Variants in ADARB2 observed in about 807,000 individuals in gnomAD.
The protein encoded by ADARB2 is inactive double-stranded RNA-specific editase B2.
In ADARB2, 25 loss-of-function variants were observed where a neutral mutation model predicts 62.2. The observed-to-expected ratio is 0.40, with a 90% CI of 0.29 to 0.56. ADARB2 has a LOEUF of 0.56. Among genes scored for constraint, ADARB2 ranks in the 20% least tolerant of loss-of-function variants. The pLI is 0.43. For missense variants in ADARB2, 1,071 were observed against 1,077.4 expected (o/e 0.99, Z 0.08); for synonymous variants, 572 against 500.8 (o/e 1.14, Z -1.90).
chr10:1,396,123 G>C (rs1157102667), intron 1 of ADARB2, among the ~76,000 whole-genome samples: 1 of 152,194 alleles, frequency 6.6e-6, no homozygotes, highest in African/African-American at 2.4e-5. Flanking sequence ...TTAGAGAGCA[G>C]GTCAAAGAGT....
intron 1 of ADARB2, among the ~76,000 whole-genome samples, chr10:1,591,634 C>G (rs1346448964): frequency 7.2e-6 from 1 of 138,172 alleles, no homozygotes; most frequent in Non-Finnish European, 1.5e-5. Flanking sequence ...GTCTCTGAAT[C>G]TCTCTTACAC....
intron 1 of ADARB2, among the ~76,000 whole-genome samples, chr10:1,646,716 C>A (rs956541143): frequency 6.6e-6 from 1 of 152,248 alleles, no homozygotes; most frequent in Admixed American, 6.5e-5. Context: ...ATAGCTCAGA[C>A]AACTCTCTCC....
intron 3 of ADARB2, among the ~76,000 whole-genome samples, chr10:1,285,113 C>A (rs552361971): frequency 6.6e-6 from 1 of 151,386 alleles, no homozygotes; most frequent in African/African-American, 2.4e-5. Context: ...ACAGAAAAGT[C>A]ATCTGCAGCA....
chr10:1,702,880 C>A (rs777109963), intron 1 of ADARB2, among the ~76,000 whole-genome samples: 2 of 152,220 alleles, frequency 1.3e-5, no homozygotes, highest in Admixed American at 6.5e-5. Context: ...AAGGTATGAA[C>A]CACTTGCTAC....
intron 1 of ADARB2, among the ~76,000 whole-genome samples, chr10:1,478,592 C>A (rs1255883710): frequency 6.6e-6 from 1 of 152,052 alleles, no homozygotes; most frequent in Non-Finnish European, 1.5e-5. Context: ...GGGAGAGCAC[C>A]AAAACAAGGA....
At chr10:1,248,782 C>G (rs894682526) in intron 4 of ADARB2, among the ~76,000 whole-genome samples, 4 of 152,156 alleles carry the variant, frequency 2.6e-5, no homozygotes, top group African/African-American at 9.7e-5. Flanking sequence ...GAGAAGTAGT[C>G]ACAGAAAATA....
At chr10:1,456,519 G>A (rs576750437) in intron 1 of ADARB2, among the ~76,000 whole-genome samples, 1 of 152,228 alleles carries the variant, frequency 6.6e-6, no homozygotes, top group African/African-American at 2.4e-5. Context: ...TCTGCTCTTA[G>A]CTCTTGCCAG....
chr10:1,652,871 G>A (rs1481101406), intron 1 of ADARB2, among the ~76,000 whole-genome samples: 3 of 152,156 alleles, frequency 2.0e-5, no homozygotes, highest in Admixed American at 6.5e-5. Flanking sequence ...CAGCCGATCC[G>A]TGACAGTGAT....
At chr10:1,663,775 A>G (rs955921932) in intron 1 of ADARB2, among the ~76,000 whole-genome samples, 4 of 152,128 alleles carry the variant, frequency 2.6e-5, no homozygotes, top group African/African-American at 9.7e-5. Flanking sequence ...ACATGCTACC[A>G]TGCCTGGCTA....
intron 3 of ADARB2, among the ~76,000 whole-genome samples, chr10:1,323,093 T>C (rs1831809755): frequency 1.3e-5 from 2 of 152,172 alleles, no homozygotes; most frequent in African/African-American, 2.4e-5. Context: ...TGAAGGTTAA[T>C]AAAGGAGGAA....
At chr10:1,401,972 T>C (rs1055516333) in intron 1 of ADARB2, among the ~76,000 whole-genome samples, 2 of 152,306 alleles carry the variant, frequency 1.3e-5, no homozygotes, top group Non-Finnish European at 1.5e-5. Flanking sequence ...ATTGTGCTGA[T>C]ACAATTTGAA....
At chr10:1,556,128 G>A (rs1385164210) in intron 1 of ADARB2, among the ~76,000 whole-genome samples, 3 of 151,966 alleles carry the variant, frequency 2.0e-5, no homozygotes, top group Admixed American at 6.6e-5. Flanking sequence ...CTCAAGTGAC[G>A]AAATTCCCAG....
At chr10:1,376,824 G>A (rs1324480560) in intron 2 of ADARB2, among the ~76,000 whole-genome samples, 4 of 134,808 alleles carry the variant, frequency 3.0e-5, no homozygotes, top group Admixed American at 1.8e-4. Context: ...CCCTTCCCAC[G>A]TGTTTCCAGG....
rs144589709 is a variant in ADARB2 at position 1,636,146 on chromosome 10, G to C, written c.100+100905C>G. ...AAGATGAGAAATAGCTCAACGGAGC[G>C]AGTTGAGGGGGGTGCAAGACATAAA... is the stretch of plus-strand genomic sequence containing the variant. On this transcript the variant is annotated intron_variant, in intron 1 of 9. Transcript: ENST00000381312. Among the ~76,000 whole-genome samples the C allele has an allele frequency of 9.2e-5, 14 of 152,248 alleles. No homozygotes were observed. In the East Asian group the frequency reaches 2.3e-3, roughly 25 times the overall value.
intron 6 of ADARB2, among the ~76,000 whole-genome samples, chr10:1,218,942 C>T (rs1468200891): frequency 6.6e-6 from 1 of 150,908 alleles, no homozygotes; most frequent in African/African-American, 2.4e-5. Context: ...CCCAGCTACT[C>T]GGGAGGCTGA....
intron 3 of ADARB2, among the ~76,000 whole-genome samples, chr10:1,296,062 G>A (rs1831520116): frequency 6.6e-6 from 1 of 152,186 alleles, no homozygotes; most frequent in Non-Finnish European, 1.5e-5. Flanking sequence ...AACTCCCTTT[G>A]GATCAGCCCC....
Position 1,332,267 on chromosome 10 carries a change from G to A in ADARB2, c.1077+30761C>T, listed in dbSNP as rs112533569. Among the ~76,000 whole-genome samples the A allele has an allele frequency of 7.4e-3, 1,122 of 152,140 alleles. 20 individuals carry two copies. Among genetic ancestry groups the A allele is most frequent in the African/African-American group, 0.025 (1,024 of 41,492 alleles). ...AAACAATAAAAAATTAGCCAGGTGC[G>A]GTGGTGGACGTCTATAGTCCCAGCT... On this transcript the variant is annotated intron_variant, in intron 3 of 9. Transcript: ENST00000381312.
intron 4 of ADARB2, among the ~76,000 whole-genome samples, chr10:1,244,721 A>G (rs7092912): frequency 0.041 from 6,270 of 152,260 alleles, 185 homozygotes; most frequent in African/African-American, 0.085. Flanking sequence ...AGTGCTGTAC[A>G]TGGAATGTCA....
chr10:1,442,971 T>C (rs559609525), intron 1 of ADARB2, among the ~76,000 whole-genome samples: 1 of 152,108 alleles, frequency 6.6e-6, no homozygotes, highest in East Asian at 1.9e-4. Flanking sequence ...GTAAAGTAAA[T>C]GAGATGGGAC....
Sources: allele counts gnomAD v4.1 joint callset (sites outside exome capture counted in the v4.1 genomes callset), GRCh38; gene constraint gnomAD v4.1.1; transcripts MANE v1.5; gene names NCBI Gene and HGNC (gene_info 2026-07-23, HGNC 2026-07-21).